The following CUBN variants were observed in gnomAD, a reference collection of about 807,000 sequenced individuals.
CUBN encodes cubilin.
Under a neutral mutation model 405.3 loss-of-function variants are expected in CUBN, and 282 were observed. The observed-to-expected ratio is 0.70, with a 90% confidence interval of 0.63 to 0.77. CUBN has a LOEUF of 0.77. CUBN is among the 30% of genes least tolerant of loss of function. The pLI, the probability that CUBN is intolerant of heterozygous loss-of-function variation, is 0.00. For missense variants in CUBN, 4,514 were observed against 4,475.2 expected (o/e 1.01, Z -0.25); for synonymous variants, 1,684 against 1,617.0 (o/e 1.04, Z -0.99).
chr10:16,900,332 G>T (rs997284506), intron 53 of CUBN, among the ~76,000 whole-genome samples: 1 of 152,212 alleles, frequency 6.6e-6, no homozygotes, highest in East Asian at 1.9e-4. Flanking sequence ...GCATCATGAA[G>T]TGTTGAGATC....
rs1588645852 is a variant in CUBN at position 16,915,121 on chromosome 10, G to A, written c.7262C>T (p.Thr2421Ile). ...CCTGACCACAGCAGTATTGCTAGAA[G>A]TGTCTATGCTGTCAGGAATGGTGTT... ...CGNTIPDSID[T>I]SSNTAVVRFV... Residue 2421 changes from threonine to isoleucine, a missense_variant, in exon 47 of 67, where the codon ACT becomes ATT. Coordinates refer to ENST00000377833, the MANE Select transcript of CUBN (RefSeq NM_001081.4). 6.2e-7 allele frequency: 1 copy of A among 1,614,118 alleles called. No individual in the cohort carries two copies. Among genetic ancestry groups the A allele is most frequent in the Non-Finnish European group, 8.5e-7 (1 of 1,179,974 alleles).
At chr10:17,006,136 G>A (rs577599763) in intron 28 of CUBN, among the ~76,000 whole-genome samples, 15 of 152,244 alleles carry the variant, frequency 9.9e-5, no homozygotes, top group African/African-American at 3.4e-4. Context: ...CCAATCTGTG[G>A]CATTTTTGTT....
chr10:16,846,063 C>G (rs1487997655), intron 60 of CUBN, among the ~76,000 whole-genome samples: 1 of 152,146 alleles, frequency 6.6e-6, no homozygotes, highest in Non-Finnish European at 1.5e-5. Context: ...ATCCCAGAAC[C>G]TAAGTCCATT....
chr10:16,957,948 A>G (rs1261738148), intron 31 of CUBN, among the ~76,000 whole-genome samples: 1 of 152,014 alleles, frequency 6.6e-6, no homozygotes. Context: ...TGGACTCACA[A>G]AATAAGACTC....
chr10:16,947,628 T>C (rs1449923543), intron 35 of CUBN, among the ~76,000 whole-genome samples: 1 of 152,146 alleles, frequency 6.6e-6, no homozygotes, highest in African/African-American at 2.4e-5. Context: ...AACGGTAACT[T>C]TGAAGAATAA....
chr10:16,943,841 G>GAA (rs1220713898), intron 36 of CUBN, among the ~76,000 whole-genome samples: 1 of 152,194 alleles, frequency 6.6e-6, no homozygotes, highest in East Asian at 1.9e-4. Context: ...CTAAGTACTT[G>GAA]ACTACTGCAA....
intron 55 of CUBN, among the ~76,000 whole-genome samples, chr10:16,889,914 C>T (rs963330349): frequency 9.9e-5 from 11 of 111,230 alleles, no homozygotes; most frequent in African/African-American, 2.6e-4. Flanking sequence ...TCCAGCCTGG[C>T]GACAGAGTGA....
At chr10:17,074,721 G>A (rs73602230) in intron 17 of CUBN, among the ~76,000 whole-genome samples, 3,652 of 152,154 alleles carry the variant, frequency 0.024, 153 homozygotes, top group African/African-American at 0.083. Context: ...ACAATCAACT[G>A]CTTTATTTTG....
rs2131606560 is a variant in CUBN at position 16,940,042 on chromosome 10, T to C, written c.5538A>G (p.Thr1846=). 6.2e-7 allele frequency: 1 copy of C among 1,613,586 alleles called. No homozygotes were observed. Among genetic ancestry groups the C allele is most frequent in the Non-Finnish European group, 8.5e-7 (1 of 1,179,482 alleles). Residue 1846 remains threonine, a synonymous_variant, in exon 37 of 67, where the codon ACA becomes ACG. Coordinates refer to ENST00000377833, the MANE Select transcript of CUBN (RefSeq NM_001081.4). ...ATAGAAACAACTTACTCTTCATAAATGTGGCCTGGAAGCCCGTGCCGCTGC... is the reference window on the plus strand; with the variant it reads ...ATAGAAACAACTTACTCTTCATAAACGTGGCCTGGAAGCCCGTGCCGCTGC... ...GSGSGTGFQA[T]FMKIFGNDNI...
chr10:16,898,913 G>A (rs773499062), intron 54 of CUBN, 83 bp downstream of exon 54: 15 of 1,075,686 alleles, frequency 1.4e-5, no homozygotes, highest in Non-Finnish European at 2.2e-5. Flanking sequence ...TTCTTACTTT[G>A]AGCGACAATG....
chr10:16,981,863 T>G (rs946274009), intron 31 of CUBN, among the ~76,000 whole-genome samples: 1 of 152,182 alleles, frequency 6.6e-6, no homozygotes, highest in Non-Finnish European at 1.5e-5. Flanking sequence ...ATAGCCATAT[T>G]CCTTCTCCTC....
chr10:16,899,048 T>C lies in CUBN; in HGVS notation c.8546A>G (p.Asn2849Ser), dbSNP rs766156540. ...ATCACCGCTGGGGATTAGGAAGTTG[T>C]TGTCAAAGCTGATCTCCAAGTGTTT... Reference protein sequence around the residue: ...KSKHLEISFDNNFLIPSGDGQ... With the variant: ...KSKHLEISFDSNFLIPSGDGQ... The change falls in exon 54 of 67, where the codon AAC (asparagine) becomes AGC (serine). Residue 2849 changes from asparagine to serine, a missense_variant. Coordinates refer to ENST00000377833, the MANE Select transcript of CUBN (RefSeq NM_001081.4). 11 of 1,613,718 alleles carry C rather than the reference T, an allele frequency of 6.8e-6. 1 individual carries two copies. In the South Asian group the frequency reaches 9.9e-5, roughly 14 times the overall value.
At position 16,914,922 on chromosome 10, in the gene CUBN, A is replaced by G; in HGVS notation, c.7351+110T>C. The G allele has an allele frequency of 6.3e-6, 6 of 955,244 alleles. No homozygotes were observed. The South Asian group carries it at 8.4e-5, about 13-fold the overall frequency. 59.2% of individuals were successfully genotyped at this position (955,244 alleles called of 1,614,324 possible). The stretch of plus-strand genomic sequence containing the variant: ...GAATTTCTGATTAAGGTCCAAGAAA[A>G]TAGGGGTCATGTTTTGTTTTGTTTT... On this transcript the variant is annotated intron_variant, in intron 47 of 66. Transcript: ENST00000377833.
intron 35 of CUBN, 32 bp from the exon 36 acceptor site, chr10:16,947,399 G>A: frequency 2.5e-6 from 4 of 1,612,956 alleles, no homozygotes; most frequent in Non-Finnish European, 2.5e-6. Flanking sequence ...GTGAGTATCA[G>A]AGCAAAGACT....
At chr10:17,006,433 A>T (rs1030843930) in intron 28 of CUBN, among the ~76,000 whole-genome samples, 1 of 152,214 alleles carries the variant, frequency 6.6e-6, no homozygotes, top group Non-Finnish European at 1.5e-5. Flanking sequence ...CAGAATTACA[A>T]AAGATAAAAC....
In CUBN at chr10:16,889,935, C is replaced by CAAAAAAAAAAAAAAAAAAAAAAAAA. The variant is rs1554788544; in HGVS notation, c.8755+435_8755+436insTTTTTTTTTTTTTTTTTTTTTTTTT. 2.0e-4 allele frequency among the ~76,000 whole-genome samples: 4 copies of CAAAAAAAAAAAAAAAAAAAAAAAAA among 19,908 alleles called. 1 individual carries two copies. Among genetic ancestry groups the CAAAAAAAAAAAAAAAAAAAAAAAAA allele is most frequent in the African/African-American group, 8.3e-4 (4 of 4,830 alleles). The allele number at this position is 19,908 out of a possible 152,430, so 13.1% of individuals were successfully genotyped here. On this transcript the variant is annotated intron_variant, in intron 55 of 66. Transcript: ENST00000377833. ...CTGGCGACAGAGTGAGACGCCGTGT[C>CAAAAAAAAAAAAAAAAAAAAAAAAA]AAAAAAAAAAAAAAAAAACAGGAAA...
chr10:16,909,040 G>A lies in CUBN; in HGVS notation c.7534-1361C>T, dbSNP rs1213567704. On this transcript the variant is annotated intron_variant, in intron 48 of 66. Coordinates refer to ENST00000377833, the MANE Select transcript of CUBN (RefSeq NM_001081.4). ...TGGGACTACAGGTGCCCGCCACCGC[G>A]CCCGGCTAATTTTTTTTTGTATTTT... Among the ~76,000 whole-genome samples the A allele has an allele frequency of 2.6e-5, 4 of 151,296 alleles. 1 individual carries two copies. Among genetic ancestry groups the A allele is most frequent in the South Asian group, 4.2e-4 (2 of 4,750 alleles).
intron 36 of CUBN, among the ~76,000 whole-genome samples, chr10:16,942,842 G>C (rs1162426547): frequency 1.0e-4 from 14 of 136,088 alleles, no homozygotes; most frequent in Admixed American, 4.3e-4. Flanking sequence ...AAGGGAAGGG[G>C]GAAGGGGAAG....
chr10:17,097,826 GA>G (rs1267247121), intron 14 of CUBN, among the ~76,000 whole-genome samples: 27 of 152,142 alleles, frequency 1.8e-4, no homozygotes, highest in Non-Finnish European at 1.5e-4. Flanking sequence ...ATTCATTCAT[GA>G]TTTTTTAAAA....
Sources: gnomAD v4.1 joint callset for allele counts (sites outside exome capture counted in the v4.1 genomes callset) on GRCh38, gnomAD v4.1.1 for gene constraint, MANE v1.5 for transcripts, NCBI Gene and HGNC (gene_info 2026-07-23, HGNC 2026-07-21) for gene names.